CDHR2: variants seen among roughly 807,000 people sequenced by gnomAD.
CDHR2 encodes the protein cadherin-related family member 2.
CDHR2 carries 104 observed loss-of-function variants against 138.6 expected under a neutral mutation model. The observed-to-expected ratio is 0.75, with a 90% confidence interval of 0.64 to 0.88. The LOEUF (loss-of-function observed/expected upper bound fraction) is 0.88, where lower values mean the gene tolerates loss of function less well. Among genes scored for constraint, CDHR2 ranks in the 40% least tolerant of loss-of-function variants. The pLI, the probability that CDHR2 is intolerant of heterozygous loss-of-function variation, is 0.00. For missense variants in CDHR2, 1,624 were observed against 1,727.6 expected, an observed-to-expected ratio of 0.94 and a Z score of 1.06; for synonymous variants, 755 against 742.8, an observed-to-expected ratio of 1.02 and a Z score of -0.27.
At chr5:176,573,215 G>A (rs1047799509) in intron 6 of CDHR2, among the ~76,000 whole-genome samples, 3 of 152,094 alleles carry the variant, frequency 2.0e-5, no homozygotes, top group Admixed American at 6.6e-5. Context: ...AGAGAGGCGA[G>A]TGGCAGCCCA....
At position 176,565,234 on chromosome 5, in the gene CDHR2, A is replaced by G. The variant is rs1758052449; in HGVS notation, c.-15-104A>G. ...ATAGAGGCCCTGGGGGAGAACTACT[A>G]AGCAGCAGTGGTGGGTGGGCTCAGG... On this transcript the variant is annotated intron_variant, in intron 1 of 31. Transcript: ENST00000261944. 10 of 790,952 alleles carry G rather than the reference A, an allele frequency of 1.3e-5. No individual in the cohort carries two copies. In the South Asian group the frequency reaches 1.4e-4, roughly 11 times the overall value. The allele number at this position is 790,952 out of a possible 1,614,324, so 49.0% of individuals were successfully genotyped here.
intron 1 of CDHR2, among the ~76,000 whole-genome samples, chr5:176,544,057 G>C (rs963538518): frequency 1.3e-5 from 2 of 152,266 alleles, no homozygotes; most frequent in African/African-American, 4.8e-5. Context: ...GCCGCGCTCT[G>C]GCTGGCATGC....
chr5:176,564,621 G>A (rs1758039907), intron 1 of CDHR2, among the ~76,000 whole-genome samples: 3 of 152,128 alleles, frequency 2.0e-5, no homozygotes, highest in Non-Finnish European at 2.9e-5. Context: ...GGCCCAGCAG[G>A]GTTTTCTAAG....
chr5:176,572,321 G>GCCTCCC (rs1758255497), intron 6 of CDHR2, among the ~76,000 whole-genome samples: 1 of 151,910 alleles, frequency 6.6e-6, no homozygotes, highest in African/African-American at 2.4e-5. Context: ...CTGGGAGGCA[G>GCCTCCC]AGGTTGCAGT....
intron 1 of CDHR2, among the ~76,000 whole-genome samples, chr5:176,552,072 G>T (rs1438779145): frequency 6.6e-6 from 1 of 152,238 alleles, no homozygotes; most frequent in African/African-American, 2.4e-5. Flanking sequence ...GTTGTGCAGT[G>T]ACTGGGACCT....
In CDHR2 at chr5:176,578,624, G is replaced by GA; in HGVS notation, c.1818+17dup. 6 of 1,606,210 alleles carry GA rather than the reference G, an allele frequency of 3.7e-6. No individual in the cohort carries two copies. Among genetic ancestry groups the GA allele is most frequent in the Non-Finnish European group, 5.1e-6 (6 of 1,179,868 alleles). ...GACCATCCAGGTGTGAGCCTGCCTGGACCTGGTGGGTAAGGCTGGGGGAGG... is the reference window on the plus strand; with the variant it reads ...GACCATCCAGGTGTGAGCCTGCCTGGAACCTGGTGGGTAAGGCTGGGGGAGG... On this transcript the variant is annotated intron_variant, in intron 16 of 31. Coordinates refer to ENST00000261944, the MANE Select transcript of CDHR2 (RefSeq NM_017675.6).
upstream of CDHR2, among the ~76,000 whole-genome samples, chr5:176,548,945 T>A (rs1028259338): frequency 6.6e-6 from 1 of 152,116 alleles, no homozygotes; most frequent in Non-Finnish European, 1.5e-5. Context: ...GTTTGATTGT[T>A]ACACTGTTTT....
intron 24 of CDHR2, 24 bp downstream of exon 24, chr5:176,589,640 G>C (rs1758791871): frequency 6.2e-7 from 1 of 1,608,218 alleles, no homozygotes; most frequent in Non-Finnish European, 8.5e-7. Context: ...GCCCCGGAGG[G>C]AGGGGTAGGA....
chr5:176,580,222 G>C (rs1024073378), intron 16 of CDHR2, among the ~76,000 whole-genome samples: 3 of 151,946 alleles, frequency 2.0e-5, no homozygotes, highest in African/African-American at 7.3e-5. Context: ...TGAAGAATCA[G>C]CTATTTAAAA....
At chr5:176,590,806 C>A in intron 28 of CDHR2, 119 bp downstream of exon 28, 2 of 1,327,074 alleles carry the variant, frequency 1.5e-6, no homozygotes, top group African/African-American at 1.4e-5. Flanking sequence ...ATTCACTCCC[C>A]AGTGACCCAG....
intron 1 of CDHR2, among the ~76,000 whole-genome samples, chr5:176,559,741 G>A (rs1442291621): frequency 1.3e-5 from 2 of 151,780 alleles, no homozygotes; most frequent in Non-Finnish European, 2.9e-5. Flanking sequence ...AACAGTGGCT[G>A]TCAACTAGGG....
At chr5:176,558,814 C>T (rs774979755) in intron 1 of CDHR2, among the ~76,000 whole-genome samples, 16 of 152,238 alleles carry the variant, frequency 1.1e-4, no homozygotes, top group Non-Finnish European at 2.2e-4. Flanking sequence ...GCCACCGCGC[C>T]CGGTTGCTTG....
At chr5:176,565,541 C>A in intron 2 of CDHR2, 131 bp from the exon 3 acceptor site, 1 of 1,225,656 alleles carries the variant, frequency 8.2e-7, no homozygotes, top group Non-Finnish European at 1.2e-6. Context: ...GCTGGGGAGG[C>A]CTGGGGAGGA....
intron 6 of CDHR2, among the ~76,000 whole-genome samples, chr5:176,571,771 C>A (rs969522041): frequency 6.6e-6 from 1 of 151,986 alleles, no homozygotes; most frequent in Admixed American, 6.6e-5. Flanking sequence ...TTCCTGACCT[C>A]GTGATCCGCA....
chr5:176,547,826 C>A (rs992676283), upstream of CDHR2: 1 of 152,080 alleles, frequency 6.6e-6, no homozygotes, highest in African/African-American at 2.4e-5. Flanking sequence ...ATGCTGGTGG[C>A]GTATAAATTT....
chr5:176,589,101 A>C lies in CDHR2; in HGVS notation c.2927A>C (p.Lys976Thr), dbSNP rs771555384. ...FSILRVDFIS[K>T]DGATIPFQGV... The stretch of plus-strand genomic sequence containing the variant: ...ATCCTCCGAGTAGACTTCATCTCTA[A>C]GGACGGGGCCACCATCCCTTTCCAG... Residue 976 changes from lysine to threonine, a missense_variant, in exon 22 of 32, where the codon AAG (lysine) becomes ACG (threonine). Transcript: ENST00000261944. 25 of 1,614,006 alleles carry C rather than the reference A, an allele frequency of 1.5e-5. No individual in the cohort carries two copies. The Middle Eastern group carries it at 1.2e-3, about 74-fold the overall frequency.
At chr5:176,592,896 C>T in intron 31 of CDHR2, 116 bp downstream of exon 31, 2 of 885,094 alleles carry the variant, frequency 2.3e-6, no homozygotes, top group East Asian at 2.5e-5. Context: ...TTCTCTGCAC[C>T]AGGCCCCAGG....
At chr5:176,595,194 G>A (rs1213701184) in intron 31 of CDHR2, among the ~76,000 whole-genome samples, 3 of 152,190 alleles carry the variant, frequency 2.0e-5, no homozygotes, top group Non-Finnish European at 4.4e-5. Context: ...TGGGGTACAG[G>A]GGGCAGGAAC....
chr5:176,560,665 T>C (rs1379393204), intron 1 of CDHR2, among the ~76,000 whole-genome samples: 1 of 152,226 alleles, frequency 6.6e-6, no homozygotes, highest in Non-Finnish European at 1.5e-5. Context: ...CTGCACTGTT[T>C]TGCTCACCAT....
Sources: allele counts gnomAD v4.1 joint callset (sites outside exome capture counted in the v4.1 genomes callset), GRCh38; gene constraint gnomAD v4.1.1; transcripts MANE v1.5; gene names NCBI Gene and HGNC (gene_info 2026-07-23, HGNC 2026-07-21).